Variants in SYNGR2 observed in about 807,000 individuals in gnomAD.
SYNGR2 encodes the protein synaptogyrin-2.
Under a neutral mutation model 18.7 loss-of-function variants are expected in SYNGR2, and 11 were observed. That is an observed-to-expected ratio of 0.59 (90% CI 0.37 to 0.97). The LOEUF (loss-of-function observed/expected upper bound fraction) is 0.97. SYNGR2 is among the 50% of genes least tolerant of loss of function. The pLI is 0.01. For missense variants in SYNGR2, 253 were observed against 300.7 expected (o/e 0.84, Z 1.17); for synonymous variants, 127 against 131.0 (o/e 0.97, Z 0.21).
chr17:78,170,697 A>G, intron 1 of SYNGR2, 120 bp from the exon 2 acceptor site: 1 of 874,248 alleles, frequency 1.1e-6, no homozygotes, highest in Admixed American at 2.1e-5. Flanking sequence ...AACAACAACA[A>G]AAACCCAAAA....
At position 78,171,088 on chromosome 17, in the gene SYNGR2, G is replaced by A. The variant is rs1376546480; in HGVS notation, c.337+34G>A. On this transcript the variant is annotated intron_variant, in intron 2 of 3. Coordinates refer to ENST00000225777, the MANE Select transcript of SYNGR2 (RefSeq NM_004710.7). This position sits in a 1 kb window ranked among gnomAD's most constrained non-coding sequence, Gnocchi z 6.6. The stretch of plus-strand genomic sequence containing the variant: ...CTGTGGCACCTCCATTTGATCTTGG[G>A]GGAGGCATTAACTCTAGGGTTCCGC... 1.9e-6 allele frequency: 3 copies of A among 1,600,550 alleles called. No homozygotes were observed. The highest frequency in any genetic ancestry group is 2.2e-5 in the East Asian group (1 of 44,794).
At chr17:78,169,680 A>T (rs1021391469) in intron 1 of SYNGR2, 3 of 152,390 alleles carry the variant, frequency 2.0e-5, no homozygotes, top group African/African-American at 7.2e-5. Flanking sequence ...ATGCTCACAG[A>T]CCTGTCCCAC....
Position 78,171,120 on chromosome 17 carries a change from G to T in SYNGR2, c.337+66G>T. ...ATTAACTCTAGGGTTCCGCAGCTGG[G>T]AGGGTCTCGGCCTCTCTGGGAGGGG... On this transcript the variant is annotated intron_variant, in intron 2 of 3. Coordinates refer to ENST00000225777, the MANE Select transcript of SYNGR2 (RefSeq NM_004710.7). This position sits in a 1 kb window ranked among gnomAD's most constrained non-coding sequence, Gnocchi z 6.6. The T allele has an allele frequency of 6.6e-7, 1 of 1,506,104 alleles. No individual in the cohort carries two copies. Among genetic ancestry groups the T allele is most frequent in the South Asian group, 1.2e-5 (1 of 86,408 alleles). The allele number at this position is 1,506,104 out of a possible 1,614,324, so 93.3% of individuals were successfully genotyped here.
intron 1 of SYNGR2, chr17:78,169,186 C>G (rs1351062681): frequency 1.3e-5 from 2 of 152,216 alleles, no homozygotes; most frequent in African/African-American, 4.8e-5. Flanking sequence ...TCCGCCTTCC[C>G]ACCCGAAGTT....
At chr17:78,169,023 G>A (rs9908045) in intron 1 of SYNGR2, 105,012 of 183,138 alleles carry the variant, frequency 0.57, 30,462 homozygotes, top group Admixed American at 0.67. Flanking sequence ...GTTTGGGGGC[G>A]GCTCCCGGAC....
upstream of SYNGR2, chr17:78,168,567 G>A (rs1222925989): frequency 1.8e-6 from 2 of 1,118,764 alleles, no homozygotes; most frequent in Admixed American, 4.5e-5. Context: ...GCGGGGCGCC[G>A]GGCAGGTTCC....
At position 78,171,660 on chromosome 17, in the gene SYNGR2, CA is replaced by C; in HGVS notation, c.477+12del. ...TCCATCTTCTCCTGGGTAGGATGGC[CA>C]GGGGCCGGTTCTTGGGTCAAGGGTG... On this transcript the variant is annotated intron_variant, in intron 3 of 3. Transcript: ENST00000225777. This position sits in a 1 kb window ranked among gnomAD's most constrained non-coding sequence, Gnocchi z 6.6. 6.2e-7 allele frequency: 1 copy of C among 1,605,672 alleles called. No homozygotes were observed. Among genetic ancestry groups the C allele is most frequent in the Non-Finnish European group, 8.5e-7 (1 of 1,173,882 alleles).
rs780440573 is a variant in SYNGR2, at chr17:78,171,470, C to G, written c.338-40C>G. On this transcript the variant is annotated intron_variant, in intron 2 of 3. Coordinates refer to ENST00000225777, the MANE Select transcript of SYNGR2 (RefSeq NM_004710.7). The surrounding 1 kb of genome is among the most constrained non-coding windows in gnomAD (Gnocchi z 6.6). Reference sequence around the variant, plus strand: ...CCTCCCAGAGTCCTGGAAAGCCCCTCCCTTTCCATGGAACTGACGCTTCAC... The same window carrying G: ...CCTCCCAGAGTCCTGGAAAGCCCCTGCCTTTCCATGGAACTGACGCTTCAC... 3 of 1,512,468 alleles carry G rather than the reference C, an allele frequency of 2.0e-6. No homozygotes were observed. The highest frequency in any genetic ancestry group is 2.7e-6 in the Non-Finnish European group (3 of 1,131,138). 93.7% of individuals were successfully genotyped at this position (1,512,468 alleles called of 1,614,324 possible). A position where few individuals can be genotyped will look rare whatever the true frequency, so the allele number is the denominator to read the frequency against.
Position 78,172,026 on chromosome 17 carries a change from C to T in SYNGR2, c.*90C>T. 3.1e-6 allele frequency: 5 copies of T among 1,590,056 alleles called. No homozygotes were observed. The highest frequency in any genetic ancestry group is 2.6e-6 in the Non-Finnish European group (3 of 1,174,050). ...GCCTCCTGGAACTGCCAGCCCCTCT[C>T]TTTCACCTGTTCCATCCTGTGCAGC... On this transcript the variant is annotated 3_prime_UTR_variant, in exon 4 of 4. Transcript: ENST00000225777.
rs765776287 is a variant in SYNGR2, at chr17:78,171,662, G to A, written c.477+13G>A. On this transcript the variant is annotated intron_variant, in intron 3 of 3. Coordinates refer to ENST00000225777, the MANE Select transcript of SYNGR2 (RefSeq NM_004710.7). The surrounding 1 kb of genome is among the most constrained non-coding windows in gnomAD (Gnocchi z 6.6). ...CATCTTCTCCTGGGTAGGATGGCCA[G>A]GGGCCGGTTCTTGGGTCAAGGGTGG... The A allele has an allele frequency of 1.2e-5, 20 of 1,605,708 alleles. No individual in the cohort carries two copies. Among genetic ancestry groups the A allele is most frequent in the Non-Finnish European group, 1.7e-5 (20 of 1,173,976 alleles).
Position 78,171,272 on chromosome 17 carries a change from G to C in SYNGR2, c.337+218G>C. The C allele has an allele frequency of 1.5e-6, 1 of 662,370 alleles. No homozygotes were observed. 41.0% of individuals were successfully genotyped at this position (662,370 alleles called of 1,614,324 possible). ...CTGAGTGGACCTGCAGCACACCCGA[G>C]CAGATGGGCTTTGCCTCTGCCCCTT... On this transcript the variant is annotated intron_variant, in intron 2 of 3. Coordinates refer to ENST00000225777, the MANE Select transcript of SYNGR2 (RefSeq NM_004710.7). This position sits in a 1 kb window ranked among gnomAD's most constrained non-coding sequence, Gnocchi z 6.6.
intron 1 of SYNGR2, chr17:78,169,008 GAGGAGT>G (rs1408882895): frequency 1.0e-5 from 2 of 193,944 alleles, no homozygotes; most frequent in Non-Finnish European, 2.1e-5. Context: ...CTGGCAGTGG[GAGGAGT>G]TTGGGGGCGG....
chr17:78,170,967 T>A lies in SYNGR2; in HGVS notation c.250T>A (p.Phe84Ile), dbSNP rs1447527597. Residue 84 changes from phenylalanine to isoleucine, a missense_variant, in exon 2 of 4, where the codon TTC becomes ATC. Phe to Ile is a conservative substitution (Grantham distance 21). Coordinates refer to ENST00000225777, the MANE Select transcript of SYNGR2 (RefSeq NM_004710.7). ...GGTGCTGGCCTTCCTGGCCTCGGCCTTCTTCTTGGTGGTCGACGCGTATTT... is the reference window on the plus strand; with the variant it reads ...GGTGCTGGCCTTCCTGGCCTCGGCCATCTTCTTGGTGGTCGACGCGTATTT... ...IGVLAFLASA[F>I]FLVVDAYFPQ... 1.3e-5 allele frequency: 21 copies of A among 1,612,404 alleles called. No homozygotes were observed. The highest frequency in any genetic ancestry group is 1.8e-5 in the Non-Finnish European group (21 of 1,179,356).
In SYNGR2 at chr17:78,172,523, C is replaced by G. The variant is rs954699515; in HGVS notation, c.*587C>G. ...TGGCACTTCCTCCTTGCTCCCACCC[C>G]TGGCAGCAGGGAAGGGCTTTGCCTG... On this transcript the variant is annotated 3_prime_UTR_variant, in exon 4 of 4. Transcript: ENST00000225777. 1 of 157,280 alleles carries G rather than the reference C, an allele frequency of 6.4e-6. No homozygotes were observed. The highest frequency in any genetic ancestry group is 1.4e-5 in the Non-Finnish European group (1 of 71,424). The allele number at this position is 157,280 out of a possible 1,614,324, so 9.7% of individuals were successfully genotyped here. A position where few individuals can be genotyped will look rare whatever the true frequency, so the allele number is the denominator to read the frequency against.
chr17:78,168,739 A>C (rs1231888137), intron 1 of SYNGR2, 24 bp downstream of exon 1: 3 of 1,192,258 alleles, frequency 2.5e-6, no homozygotes, highest in African/African-American at 3.2e-5. Flanking sequence ...GGGCGGGCCG[A>C]GGGCACCCTG....
rs9899032 is a variant in SYNGR2, at chr17:78,171,755, T to A, written c.494T>A (p.Leu165Gln). The part of the protein sequence containing the change: ...SIFSWGVLAS[L>Q]AYQRYKAGVD... ...CCCCTGCAGGGTGTGCTGGCCTCCCTGGCCTACCAGCGCTACAAGGCTGGC... is the reference window on the plus strand; with the variant it reads ...CCCCTGCAGGGTGTGCTGGCCTCCCAGGCCTACCAGCGCTACAAGGCTGGC... The change falls in exon 4 of 4, where the codon CTG (leucine) becomes CAG (glutamine). Residue 165 changes from leucine to glutamine, a missense_variant. By Grantham distance (113) the Leu-to-Gln change is moderately radical. Transcript: ENST00000225777. The surrounding 1 kb of genome is among the most constrained non-coding windows in gnomAD (Gnocchi z 6.6). 3.1e-6 allele frequency: 5 copies of A among 1,614,098 alleles called. No homozygotes were observed. In the African/African-American group the frequency reaches 5.3e-5, roughly 17 times the overall value.
chr17:78,169,993 CAG>C (rs1321222364), intron 1 of SYNGR2: 3 of 152,526 alleles, frequency 2.0e-5, no homozygotes, highest in Non-Finnish European at 4.4e-5. Flanking sequence ...GGTGAAGACA[CAG>C]GGGCGCCAGC....
chr17:78,171,712 C>T lies in SYNGR2; in HGVS notation c.478-27C>T. The stretch of plus-strand genomic sequence containing the variant: ...GTGGAGGGTGGGGTCCCCCACCCAC[C>T]TGTACCCTGCTGTGCTCCCCCTGCA... On this transcript the variant is annotated intron_variant, in intron 3 of 3. Transcript: ENST00000225777. This position sits in a 1 kb window ranked among gnomAD's most constrained non-coding sequence, Gnocchi z 6.6. The T allele has an allele frequency of 4.3e-6, 7 of 1,613,968 alleles. No homozygotes were observed. The highest frequency in any genetic ancestry group is 1.3e-5 in the African/African-American group (1 of 75,010).
Position 78,170,945 on chromosome 17 carries a change from G to A in SYNGR2, c.228G>A (p.Val76=). The A allele has an allele frequency of 6.2e-7, 1 of 1,613,370 alleles. No homozygotes were observed. ...GCCGCTATGGCAGTGCCATCGGGGT[G>A]CTGGCCTTCCTGGCCTCGGCCTTCT... is the stretch of plus-strand genomic sequence containing the variant. ...DACRYGSAIG[V]LAFLASAFFL... is the part of the protein sequence containing the mutation. Residue 76 remains valine (V), a synonymous_variant, in exon 2 of 4, where the codon GTG becomes GTA. Coordinates refer to ENST00000225777, the MANE Select transcript of SYNGR2 (RefSeq NM_004710.7).
Sources: allele counts gnomAD v4.1 joint callset, GRCh38; gene constraint gnomAD v4.1.1; non-coding constraint Gnocchi (gnomAD v3.1); transcripts MANE v1.5; gene names NCBI Gene and HGNC (gene_info 2026-07-23, HGNC 2026-07-21).